The following FLNB variants were observed in gnomAD, a reference collection of about 807,000 sequenced individuals.
FLNB encodes filamin B, also known as filamin-B.
In FLNB, 111 loss-of-function variants were observed where a neutral mutation model predicts 250.6. The ratio of observed to expected loss-of-function variants is 0.44; its 90% CI spans 0.38 to 0.52. The LOEUF (loss-of-function observed/expected upper bound fraction) is 0.52. FLNB is among the 20% of genes least tolerant of loss of function. The probability of loss-of-function intolerance (pLI) is 0.00; values close to 1 mark genes in which losing one functional copy is unlikely to be tolerated. For missense variants in FLNB, 2,869 were observed against 3,447.8 expected (o/e 0.83, Z 4.20); for synonymous variants, 1,302 against 1,372.1 (o/e 0.95, Z 1.13).
chr3:58,113,196 T>A (rs999517603), intron 18 of FLNB, among the ~76,000 whole-genome samples: 3 of 152,226 alleles, frequency 2.0e-5, no homozygotes, highest in African/African-American at 7.2e-5. Context: ...TTATATTTGT[T>A]TAAAATTTTG....
At chr3:58,090,879 C>T (rs906521215) in intron 4 of FLNB, among the ~76,000 whole-genome samples, 6 of 151,992 alleles carry the variant, frequency 3.9e-5, no homozygotes, top group African/African-American at 1.5e-4. Flanking sequence ...GAGATCAAGA[C>T]CATCCTGGCT....
rs976619320 is a variant in FLNB at position 58,163,487 on chromosome 3, T to G, written c.7198+157T>G. Reference sequence around the variant, plus strand: ...GAGGCGCTTGCTGTCCAAAGCTGTTTTGGGAGTTGCGGTTTGACCCACGAT... The same window carrying G: ...GAGGCGCTTGCTGTCCAAAGCTGTTGTGGGAGTTGCGGTTTGACCCACGAT... On this transcript the variant is annotated intron_variant, in intron 43 of 45. Transcript: ENST00000295956. 3.0e-5 allele frequency: 22 copies of G among 723,758 alleles called. No homozygotes were observed. In the African/African-American group the frequency reaches 3.5e-4, roughly 12 times the overall value. The allele number at this position is 723,758 out of a possible 1,614,324, so 44.8% of individuals were successfully genotyped here. A position where few individuals can be genotyped will look rare whatever the true frequency, so the allele number is the denominator to read the frequency against.
intron 15 of FLNB, 37 bp downstream of exon 15, chr3:58,109,736 T>C: frequency 6.2e-7 from 1 of 1,613,872 alleles, no homozygotes; most frequent in Non-Finnish European, 8.5e-7. Flanking sequence ...TGATCATTGC[T>C]CCGTGGGGAA....
intron 1 of FLNB, among the ~76,000 whole-genome samples, chr3:58,067,572 G>T (rs1205654533): frequency 1.9e-4 from 27 of 145,144 alleles, no homozygotes; most frequent in Admixed American, 1.6e-3. Context: ...TAACAAAGAG[G>T]TTTTTTTTGT....
At chr3:58,019,154 A>G (rs2106703607) in intron 1 of FLNB, among the ~76,000 whole-genome samples, 1 of 152,160 alleles carries the variant, frequency 6.6e-6, no homozygotes, top group Admixed American at 6.5e-5. Flanking sequence ...AGAAATTGCT[A>G]TTGTCACAAT....
intron 42 of FLNB, among the ~76,000 whole-genome samples, chr3:58,161,131 C>T (rs2097360933): frequency 6.6e-6 from 1 of 152,188 alleles, no homozygotes; most frequent in Admixed American, 6.5e-5. Context: ...AAGTGGCAAG[C>T]TGGTGCTCCC....
At chr3:58,115,839 T>C (rs1461985466) in intron 18 of FLNB, among the ~76,000 whole-genome samples, 1 of 152,164 alleles carries the variant, frequency 6.6e-6, no homozygotes, top group African/African-American at 2.4e-5. Flanking sequence ...AAATCACAAG[T>C]GTGAATGACT....
At chr3:58,116,075 C>T (rs13095627) in intron 18 of FLNB, among the ~76,000 whole-genome samples, 31,589 of 151,800 alleles carry the variant, frequency 0.21, 4,210 homozygotes, top group Middle Eastern at 0.34. Flanking sequence ...AATGACATGG[C>T]GCCTGGATTC....
chr3:58,036,844 A>G (rs1178546913), intron 1 of FLNB, among the ~76,000 whole-genome samples: 1 of 152,214 alleles, frequency 6.6e-6, no homozygotes, highest in East Asian at 1.9e-4. Context: ...CCTAAAGGTT[A>G]GAAGCAAGAT....
At chr3:58,145,493 G>T (rs2097334376) in intron 32 of FLNB, among the ~76,000 whole-genome samples, 1 of 152,194 alleles carries the variant, frequency 6.6e-6, no homozygotes, top group African/African-American at 2.4e-5. Context: ...AGGAGTCGGG[G>T]TGGGCAGAGA....
intron 45 of FLNB, 181 bp from the exon 46 acceptor site, chr3:58,170,394 C>A: frequency 1.6e-6 from 1 of 623,648 alleles, no homozygotes; most frequent in Non-Finnish European, 2.9e-6. Context: ...AGTGGCAGGG[C>A]AGGGATTCGA....
chr3:58,143,469 A>G lies in FLNB; in HGVS notation c.5285-4A>G, dbSNP rs764978605. The stretch of plus-strand genomic sequence containing the variant: ...TCATTGCCCCGTCTCTCTGTGCTCC[A>G]TAGGAGAGGTCCACATGCCTTCTGG... On this transcript the variant is annotated splice_polypyrimidine_tract_variant and splice_region_variant and intron_variant, in intron 31 of 45. Transcript: ENST00000295956. 6.2e-7 allele frequency: 1 copy of G among 1,613,970 alleles called. No homozygotes were observed. Among genetic ancestry groups the G allele is most frequent in the East Asian group, 2.2e-5 (1 of 44,894 alleles).
At chr3:58,140,444 C>T (rs185406243) in intron 29 of FLNB, among the ~76,000 whole-genome samples, 2 of 152,296 alleles carry the variant, frequency 1.3e-5, no homozygotes, top group Admixed American at 6.5e-5. Flanking sequence ...CACAGAGCTG[C>T]CTTTGCCTTT....
chr3:58,138,826 C>T (rs1020954331), intron 29 of FLNB, among the ~76,000 whole-genome samples: 4 of 152,200 alleles, frequency 2.6e-5, no homozygotes, highest in Non-Finnish European at 5.9e-5. Flanking sequence ...CAGAAAAACA[C>T]ACCTTTATGA....
At chr3:58,082,064 G>A (rs2097209937) in intron 4 of FLNB, among the ~76,000 whole-genome samples, 2 of 152,174 alleles carry the variant, frequency 1.3e-5, no homozygotes, top group South Asian at 4.1e-4. Flanking sequence ...GCGGGGTAGG[G>A]AGTCGGGGGA....
intron 1 of FLNB, among the ~76,000 whole-genome samples, chr3:58,059,645 G>T (rs1466058069): frequency 6.6e-6 from 1 of 152,190 alleles, no homozygotes; most frequent in Non-Finnish European, 1.5e-5. Context: ...CCCTTGGACA[G>T]TGCGCCTCAG....
chr3:58,089,390 C>T (rs764396524), intron 4 of FLNB, among the ~76,000 whole-genome samples: 2 of 151,564 alleles, frequency 1.3e-5, no homozygotes, highest in African/African-American at 2.4e-5. Context: ...ACTAAAAATA[C>T]AAAAAATTAG....
chr3:58,020,325 A>G (rs538928395), intron 1 of FLNB, among the ~76,000 whole-genome samples: 1 of 152,256 alleles, frequency 6.6e-6, no homozygotes, highest in East Asian at 1.9e-4. Flanking sequence ...CCCTGGCACA[A>G]GTGGGCAGCC....
intron 1 of FLNB, among the ~76,000 whole-genome samples, chr3:58,048,480 A>G (rs745429748): frequency 6.6e-6 from 1 of 152,126 alleles, no homozygotes; most frequent in Non-Finnish European, 1.5e-5. Flanking sequence ...CAAGTTGAAT[A>G]TTTTTGGCTA....
Sources: gnomAD v4.1 joint callset for allele counts (sites outside exome capture counted in the v4.1 genomes callset) on GRCh38, gnomAD v4.1.1 for gene constraint, MANE v1.5 for transcripts, NCBI Gene and HGNC (gene_info 2026-07-23, HGNC 2026-07-21) for gene names.